The following ERC2 variants were observed in gnomAD, a reference collection of about 807,000 sequenced individuals.
ERC2 encodes the protein ERC protein 2.
A neutral mutation model predicts 114.8 loss-of-function variants in ERC2; 42 were observed. The ratio of observed to expected loss-of-function variants is 0.37; its 90% CI spans 0.29 to 0.47. The LOEUF (loss-of-function observed/expected upper bound fraction) is 0.47, where lower values mean the gene tolerates loss of function less well. ERC2 is among the 20% of genes least tolerant of loss of function. The pLI is 0.99. For missense variants in ERC2, 939 were observed against 1,150.7 expected, an observed-to-expected ratio of 0.82 and a Z score of 2.66; for synonymous variants, 454 against 425.5, an observed-to-expected ratio of 1.07 and a Z score of -0.82.
At chr3:56,157,619 C>T (rs2149978676) in intron 4 of ERC2, among the ~76,000 whole-genome samples, 1 of 152,276 alleles carries the variant, frequency 6.6e-6, no homozygotes, top group Non-Finnish European at 1.5e-5. Flanking sequence ...TCCTTGTTAG[C>T]CTTCTAGCAA....
chr3:55,649,007 T>C (rs1009899329), intron 17 of ERC2, among the ~76,000 whole-genome samples: 1 of 152,074 alleles, frequency 6.6e-6, no homozygotes, highest in Non-Finnish European at 1.5e-5. Flanking sequence ...GAAGATTCCC[T>C]TTCATCCCCC....
At chr3:56,007,402 A>G (rs2149562740) in intron 9 of ERC2, 81 bp from the exon 10 acceptor site, 1 of 1,256,954 alleles carries the variant, frequency 8.0e-7, no homozygotes, top group Non-Finnish European at 1.1e-6. Context: ...TTGATTCTAT[A>G]CATAGCAATA....
At chr3:55,613,458 A>G (rs184037923) in intron 17 of ERC2, among the ~76,000 whole-genome samples, 1 of 152,350 alleles carries the variant, frequency 6.6e-6, no homozygotes, top group Admixed American at 6.5e-5. Context: ...GACCTTCACC[A>G]TAGGAAAATG....
chr3:56,445,759 C>G (rs757020232), intron 1 of ERC2, among the ~76,000 whole-genome samples: 1 of 152,114 alleles, frequency 6.6e-6, no homozygotes, highest in African/African-American at 2.4e-5. Context: ...TGTCTCAGAG[C>G]CTTCACTCCT....
chr3:56,252,078 T>C (rs1169151005), intron 3 of ERC2, among the ~76,000 whole-genome samples: 1 of 152,166 alleles, frequency 6.6e-6, no homozygotes, highest in Non-Finnish European at 1.5e-5. Context: ...AGGGAGGCTG[T>C]AAGGTGCTCC....
At chr3:56,295,163 T>C (rs1353625006) in intron 3 of ERC2, among the ~76,000 whole-genome samples, 2 of 152,252 alleles carry the variant, frequency 1.3e-5, no homozygotes, top group African/African-American at 4.8e-5. Context: ...AGAATTTTTA[T>C]TTATTGCTAT....
intron 5 of ERC2, among the ~76,000 whole-genome samples, chr3:56,146,441 G>A (rs1221336813): frequency 1.3e-5 from 2 of 152,114 alleles, no homozygotes; most frequent in African/African-American, 4.8e-5. Flanking sequence ...GTACTTTTTA[G>A]CTAATTTTTA....
intron 17 of ERC2, among the ~76,000 whole-genome samples, chr3:55,547,831 T>C (rs1264093247): frequency 1.3e-5 from 2 of 152,176 alleles, no homozygotes; most frequent in East Asian, 1.9e-4. Context: ...CAACAAACAC[T>C]TGTGGTCCAA....
chr3:56,445,707 CA>C (rs1288756805), intron 1 of ERC2, among the ~76,000 whole-genome samples: 1 of 152,214 alleles, frequency 6.6e-6, no homozygotes, highest in Non-Finnish European at 1.5e-5. Context: ...AAGACTCTGA[CA>C]GGGTCTTCTT....
chr3:56,093,790 G>A (rs1165850788), intron 6 of ERC2, among the ~76,000 whole-genome samples: 1 of 151,978 alleles, frequency 6.6e-6, no homozygotes. Flanking sequence ...ACAATACTAG[G>A]TGTCTACAAG....
intron 17 of ERC2, among the ~76,000 whole-genome samples, chr3:55,570,162 C>T (rs2056624708): frequency 6.6e-6 from 1 of 152,056 alleles, no homozygotes; most frequent in Admixed American, 6.6e-5. Context: ...GCCCGACCCC[C>T]CATTTCTTAT....
At position 55,784,584 on chromosome 3, in the gene ERC2, G is replaced by A. The variant is rs190199545; in HGVS notation, c.2565-49666C>T. Among the ~76,000 whole-genome samples the A allele has an allele frequency of 9.2e-5, 14 of 152,242 alleles. No homozygotes were observed. In the East Asian group the frequency reaches 2.5e-3, roughly 27 times the overall value. On this transcript the variant is annotated intron_variant, in intron 14 of 17. Transcript: ENST00000288221. Reference sequence around the variant, plus strand: ...ATGGTTTGGCCAGTGTTTTGAGTACGTCTCTTAACGTGAACAGTTTAGAGA... The same window carrying A: ...ATGGTTTGGCCAGTGTTTTGAGTACATCTCTTAACGTGAACAGTTTAGAGA...
intron 6 of ERC2, among the ~76,000 whole-genome samples, chr3:56,107,525 T>C (rs1282995225): frequency 6.6e-6 from 1 of 152,066 alleles, no homozygotes. Flanking sequence ...TCTGAAAAAA[T>C]GATGGGCTCT....
At chr3:56,012,703 T>C (rs2073039066) in intron 8 of ERC2, among the ~76,000 whole-genome samples, 1 of 152,216 alleles carries the variant, frequency 6.6e-6, no homozygotes, top group Non-Finnish European at 1.5e-5. Flanking sequence ...ACAAGCACTA[T>C]AATGTTTTTA....
At chr3:55,773,827 A>G (rs2068404424) in intron 14 of ERC2, among the ~76,000 whole-genome samples, 1 of 152,250 alleles carries the variant, frequency 6.6e-6, no homozygotes, top group Non-Finnish European at 1.5e-5. Context: ...AACTGTAAGT[A>G]TATTTTTTGG....
intron 6 of ERC2, among the ~76,000 whole-genome samples, chr3:56,093,882 T>C (rs1355420029): frequency 6.6e-6 from 1 of 152,148 alleles, no homozygotes; most frequent in Non-Finnish European, 1.5e-5. Flanking sequence ...ATTTGTTCTT[T>C]GAAACTTTTC....
intron 6 of ERC2, among the ~76,000 whole-genome samples, chr3:56,106,626 C>T (rs1485681): frequency 0.28 from 42,677 of 151,810 alleles, 7,115 homozygotes; most frequent in East Asian, 0.5. Flanking sequence ...ATTTGTAATG[C>T]TGAAAAAATG....
intron 3 of ERC2, among the ~76,000 whole-genome samples, chr3:56,234,427 T>A (rs2050813276): frequency 1.3e-5 from 2 of 152,346 alleles, no homozygotes; most frequent in South Asian, 4.1e-4. Flanking sequence ...TTCCATTAGA[T>A]TTTATAAGTT....
At chr3:56,083,493 T>G (rs1213508609) in intron 6 of ERC2, among the ~76,000 whole-genome samples, 1 of 152,176 alleles carries the variant, frequency 6.6e-6, no homozygotes, top group Non-Finnish European at 1.5e-5. Flanking sequence ...TGTACAAAAT[T>G]GTCAAAACTC....
Sources: gnomAD v4.1 joint callset for allele counts (sites outside exome capture counted in the v4.1 genomes callset) on GRCh38, gnomAD v4.1.1 for gene constraint, MANE v1.5 for transcripts, NCBI Gene and HGNC (gene_info 2026-07-23, HGNC 2026-07-21) for gene names.